ROBO1: variants seen among roughly 807,000 people sequenced by gnomAD.
The protein encoded by ROBO1 is roundabout guidance receptor 1.
Under a neutral mutation model 195.9 loss-of-function variants are expected in ROBO1, and 149 were observed. That is an observed-to-expected ratio of 0.76 (90% CI 0.67 to 0.87). The LOEUF (loss-of-function observed/expected upper bound fraction) is 0.87. ROBO1 is among the 40% of genes least tolerant of loss of function. The pLI, the probability that ROBO1 is intolerant of heterozygous loss-of-function variation, is 0.00. For missense variants in ROBO1, 1,933 were observed against 2,068.3 expected (o/e 0.93, Z 1.27); for synonymous variants, 816 against 733.2 (o/e 1.11, Z -1.82).
chr3:78,907,114 T>C (rs1339030388), intron 4 of ROBO1, among the ~76,000 whole-genome samples: 2 of 152,074 alleles, frequency 1.3e-5, no homozygotes, highest in Non-Finnish European at 2.9e-5. Context: ...GTGGTAGATT[T>C]TTAAAGGTTA....
chr3:79,618,928 C>T (rs750201924), intron 1 of ROBO1, among the ~76,000 whole-genome samples: 1 of 152,162 alleles, frequency 6.6e-6, no homozygotes, highest in Non-Finnish European at 1.5e-5. Context: ...ACATTTTATC[C>T]GTGGACCCAA....
At chr3:79,361,555 C>T (rs1404812230) in intron 2 of ROBO1, among the ~76,000 whole-genome samples, 1 of 151,992 alleles carries the variant, frequency 6.6e-6, no homozygotes, top group Non-Finnish European at 1.5e-5. Flanking sequence ...AAGCAGTGAG[C>T]AGTTTTTGTA....
intron 2 of ROBO1, among the ~76,000 whole-genome samples, chr3:79,166,554 A>ATTTTTTTT (rs1391356175): frequency 7.4e-6 from 1 of 134,720 alleles, no homozygotes; most frequent in Non-Finnish European, 1.6e-5. Flanking sequence ...CAAGTTTTCT[A>ATTTTTTTT]TTTTTCTTTT....
chr3:78,608,266 C>T (rs546392534), intron 28 of ROBO1, among the ~76,000 whole-genome samples: 2 of 152,040 alleles, frequency 1.3e-5, no homozygotes, highest in African/African-American at 2.4e-5. Context: ...CCACCACACC[C>T]GATTAACTTT....
At chr3:78,730,923 G>A (rs114951541) in intron 5 of ROBO1, among the ~76,000 whole-genome samples, 325 of 152,258 alleles carry the variant, frequency 2.1e-3, no homozygotes, top group African/African-American at 7.5e-3. Context: ...CTGACCTAGC[G>A]CTTAAAAAGG....
At chr3:79,047,685 G>A (rs2078620162) in intron 3 of ROBO1, among the ~76,000 whole-genome samples, 3 of 152,102 alleles carry the variant, frequency 2.0e-5, no homozygotes, top group African/African-American at 4.8e-5. Flanking sequence ...AGAATTAATA[G>A]TATGTCATGT....
At chr3:78,666,388 G>A (rs576474892) in intron 14 of ROBO1, among the ~76,000 whole-genome samples, 1 of 152,332 alleles carries the variant, frequency 6.6e-6, no homozygotes, top group Non-Finnish European at 1.5e-5. Context: ...ACTTACAAAT[G>A]AGGTTACATA....
chr3:79,376,152 C>A (rs779919477), intron 2 of ROBO1, among the ~76,000 whole-genome samples: 6 of 152,160 alleles, frequency 3.9e-5, no homozygotes, highest in Non-Finnish European at 8.8e-5. Context: ...TTACACAATT[C>A]ATTTTTGAGC....
At chr3:79,194,558 A>T (rs1559726727) in intron 2 of ROBO1, among the ~76,000 whole-genome samples, 1 of 151,666 alleles carries the variant, frequency 6.6e-6, no homozygotes, top group Non-Finnish European at 1.5e-5. Context: ...AGAGTTGTTA[A>T]ATTTGGTGAA....
intron 2 of ROBO1, among the ~76,000 whole-genome samples, chr3:79,199,072 AG>A (rs1259041774): frequency 6.6e-6 from 1 of 151,972 alleles, no homozygotes; most frequent in Non-Finnish European, 1.5e-5. Context: ...TATGTTGAAC[AG>A]GAGTGGTGAG....
At chr3:79,422,395 C>A (rs1263955817) in intron 2 of ROBO1, among the ~76,000 whole-genome samples, 1 of 151,974 alleles carries the variant, frequency 6.6e-6, no homozygotes, top group African/African-American at 2.4e-5. Flanking sequence ...GACCATACAT[C>A]CTGTGCACCT....
intron 2 of ROBO1, among the ~76,000 whole-genome samples, chr3:79,325,225 G>T (rs767127122): frequency 6.6e-6 from 1 of 151,882 alleles, no homozygotes; most frequent in Non-Finnish European, 1.5e-5. Context: ...ACTTTCTCCC[G>T]GCCAACAGGT....
At position 79,607,164 on chromosome 3, in the gene ROBO1, A is replaced by G. The variant is rs189030840; in HGVS notation, c.-50-17203T>C. Among the ~76,000 whole-genome samples the G allele has an allele frequency of 6.0e-5, 9 of 150,440 alleles. No individual in the cohort carries two copies. In the East Asian group the frequency reaches 1.8e-3, roughly 29 times the overall value. ...GAACCTAAAAATGGCCTTACATACTAAGAACATTGAAATCTGGTGTGATTT... is the reference window on the plus strand; with the variant it reads ...GAACCTAAAAATGGCCTTACATACTGAGAACATTGAAATCTGGTGTGATTT... On this transcript the variant is annotated intron_variant, in intron 1 of 30. Transcript: ENST00000464233.
intron 3 of ROBO1, among the ~76,000 whole-genome samples, chr3:78,958,142 G>C (rs1454785674): frequency 6.6e-6 from 1 of 152,036 alleles, no homozygotes; most frequent in Non-Finnish European, 1.5e-5. Context: ...TAAGTATTTT[G>C]TTTACTACAT....
intron 2 of ROBO1, among the ~76,000 whole-genome samples, chr3:79,460,862 C>T (rs1937613582): frequency 6.6e-6 from 1 of 152,120 alleles, no homozygotes; most frequent in Admixed American, 6.5e-5. Context: ...ATTCTCCTGC[C>T]TCAACCTCCC....
At chr3:79,006,755 C>G (rs2077630652) in intron 3 of ROBO1, among the ~76,000 whole-genome samples, 1 of 34,860 alleles carries the variant, frequency 2.9e-5, no homozygotes, top group African/African-American at 8.4e-5. Flanking sequence ...TACAAAATAT[C>G]GGAAAAAAAA....
intron 1 of ROBO1, among the ~76,000 whole-genome samples, chr3:79,651,735 T>C (rs1300085013): frequency 1.3e-5 from 2 of 152,242 alleles, no homozygotes; most frequent in South Asian, 2.1e-4. Flanking sequence ...CTTGGCTTGG[T>C]TTAATGTTTC....
chr3:78,693,397 A>C (rs2081218891), intron 8 of ROBO1: 1 of 1,354,236 alleles, frequency 7.4e-7, no homozygotes. Context: ...ATAAATAAAA[A>C]TAAGGAAACA....
intron 1 of ROBO1, among the ~76,000 whole-genome samples, chr3:79,694,444 C>A (rs960072397): frequency 1.3e-5 from 2 of 151,714 alleles, no homozygotes; most frequent in Non-Finnish European, 2.9e-5. Flanking sequence ...GTTTACCACC[C>A]AACTCTGGGC....
Sources: gnomAD v4.1 joint callset for allele counts (sites outside exome capture counted in the v4.1 genomes callset) on GRCh38, gnomAD v4.1.1 for gene constraint, MANE v1.5 for transcripts, NCBI Gene and HGNC (gene_info 2026-07-23, HGNC 2026-07-21) for gene names.